ARB2A: variants seen among roughly 807,000 people sequenced by gnomAD.
ARB2A encodes cotranscriptional regulator ARB2A.
chr5:93,748,498 A>G, the ARB2A span, among the ~76,000 whole-genome samples: 1 of 152,124 alleles, frequency 6.6e-6, no homozygotes, highest in Non-Finnish European at 1.5e-5. Flanking sequence ...AAGAAATGAC[A>G]AAGTTTTTAA....
the ARB2A span, among the ~76,000 whole-genome samples, chr5:93,841,823 C>T: frequency 3.9e-5 from 6 of 152,104 alleles, no homozygotes; most frequent in African/African-American, 7.2e-5. Flanking sequence ...CAAAGGGATG[C>T]GAGTGTTGCT....
chr5:93,644,632 A>G, the ARB2A span, among the ~76,000 whole-genome samples: 1 of 152,208 alleles, frequency 6.6e-6, no homozygotes, highest in Admixed American at 6.5e-5. Flanking sequence ...GTATGTTTCC[A>G]TTAAATTTCT....
chr5:93,628,377 A>G, the ARB2A span, among the ~76,000 whole-genome samples: 3 of 151,934 alleles, frequency 2.0e-5, no homozygotes, highest in African/African-American at 7.3e-5. Flanking sequence ...AGGCCCTAGG[A>G]TTTTTTAAAG....
the ARB2A span, among the ~76,000 whole-genome samples, chr5:93,641,130 G>T: frequency 3.3e-5 from 5 of 151,858 alleles, no homozygotes; most frequent in Admixed American, 3.3e-4. Context: ...AACCCGGGAG[G>T]TGGAGGTTGC....
At chr5:94,084,694 G>C in the ARB2A span, among the ~76,000 whole-genome samples, 1 of 152,062 alleles carries the variant, frequency 6.6e-6, no homozygotes, top group Non-Finnish European at 1.5e-5. Context: ...AATAGAACAG[G>C]ATGGAACTCC....
At chr5:93,681,452 C>T in the ARB2A span, among the ~76,000 whole-genome samples, 4 of 152,084 alleles carry the variant, frequency 2.6e-5, no homozygotes, top group African/African-American at 9.7e-5. Flanking sequence ...AGTCACAATG[C>T]TGCTGAGTTT....
At chr5:93,716,051 A>G in the ARB2A span, among the ~76,000 whole-genome samples, 1 of 152,218 alleles carries the variant, frequency 6.6e-6, no homozygotes, top group South Asian at 2.1e-4. Context: ...GTGATAGCTC[A>G]TCATTTCTCC....
chr5:93,948,888 T>C, the ARB2A span, among the ~76,000 whole-genome samples: 1 of 152,180 alleles, frequency 6.6e-6, no homozygotes, highest in South Asian at 2.1e-4. Flanking sequence ...ACCTTTCACC[T>C]CTAAGCAGTG....
chr5:93,697,100 A>G, the ARB2A span, among the ~76,000 whole-genome samples: 18 of 148,702 alleles, frequency 1.2e-4, no homozygotes, highest in Middle Eastern at 7.1e-3. Context: ...GGACAAGTTT[A>G]GTTAGATCTT....
the ARB2A span, among the ~76,000 whole-genome samples, chr5:93,934,346 G>C: frequency 1.3e-5 from 2 of 152,142 alleles, no homozygotes; most frequent in Admixed American, 1.3e-4. Flanking sequence ...GGATAACTGA[G>C]ACGATTTTGA....
the ARB2A span, among the ~76,000 whole-genome samples, chr5:93,959,371 T>A: frequency 6.6e-6 from 1 of 152,078 alleles, no homozygotes; most frequent in Non-Finnish European, 1.5e-5. Context: ...TTATATTGAT[T>A]TATAGATGAA....
the ARB2A span, among the ~76,000 whole-genome samples, chr5:93,888,917 A>G: frequency 2.0e-5 from 3 of 151,742 alleles, no homozygotes; most frequent in Admixed American, 2.0e-4. Context: ...ATTTCATACA[A>G]CAAACATTTA....
At chr5:93,737,836 T>C in the ARB2A span, 1 of 413,290 alleles carries the variant, frequency 2.4e-6, no homozygotes, top group Non-Finnish European at 4.7e-6. Context: ...AAAAATTAAC[T>C]TGAAATGGAT....
At chr5:93,766,515 C>T in the ARB2A span, among the ~76,000 whole-genome samples, 4 of 152,094 alleles carry the variant, frequency 2.6e-5, 1 homozygote, top group African/African-American at 7.2e-5. Flanking sequence ...GTTAGAATGG[C>T]AATCATTAAA....
the ARB2A span, among the ~76,000 whole-genome samples, chr5:93,938,536 T>C: frequency 6.6e-6 from 1 of 152,220 alleles, no homozygotes; most frequent in East Asian, 1.9e-4. Flanking sequence ...AAGTGAACAC[T>C]GCAAATTGCC....
chr5:94,013,564 A>G, the ARB2A span, among the ~76,000 whole-genome samples: 1 of 152,190 alleles, frequency 6.6e-6, no homozygotes, highest in East Asian at 1.9e-4. Flanking sequence ...ATGATTTCAC[A>G]TGAGCATATT....
At chr5:93,996,066 G>C in the ARB2A span, among the ~76,000 whole-genome samples, 3 of 151,862 alleles carry the variant, frequency 2.0e-5, no homozygotes, top group Non-Finnish European at 4.4e-5. Flanking sequence ...GTTGACTATA[G>C]GAACATTTTT....
chr5:93,723,281 T>C, the ARB2A span, among the ~76,000 whole-genome samples: 1 of 152,144 alleles, frequency 6.6e-6, no homozygotes, highest in Non-Finnish European at 1.5e-5. Context: ...TTTAAATTCT[T>C]AAGACTGACC....
At chr5:94,074,805 C>T in the ARB2A span, 1 of 1,390,594 alleles carries the variant, frequency 7.2e-7, no homozygotes, top group Non-Finnish European at 1.0e-6. Flanking sequence ...AAGTTCTACT[C>T]AAAACCTATC....
Sources: allele counts gnomAD v4.1 joint callset (sites outside exome capture counted in the v4.1 genomes callset), GRCh38; gene constraint gnomAD v4.1.1; transcripts MANE v1.5; gene names NCBI Gene and HGNC (gene_info 2026-07-23, HGNC 2026-07-21).